CPED1: variants seen among roughly 807,000 people sequenced by gnomAD.
CPED1 encodes cadherin-like and PC-esterase domain-containing protein 1.
In CPED1, 114 loss-of-function variants were observed where a neutral mutation model predicts 128.2. The ratio of observed to expected loss-of-function variants is 0.89; its 90% CI spans 0.76 to 1.04. CPED1 has a LOEUF of 1.04. Among genes scored for constraint, CPED1 ranks in the 50% least tolerant of loss-of-function variants. The probability of loss-of-function intolerance (pLI) is 0.00; values close to 1 mark genes in which losing one functional copy is unlikely to be tolerated. For synonymous variants in CPED1, 462 were observed against 426.7 expected (o/e 1.08, Z -1.02); for missense variants, 1,211 against 1,207.1 (o/e 1.00, Z -0.05).
At chr7:121,101,873 C>CT (rs1057037774) in intron 7 of CPED1, among the ~76,000 whole-genome samples, 61 of 152,222 alleles carry the variant, frequency 4.0e-4, no homozygotes, top group African/African-American at 1.5e-3. Flanking sequence ...TGATCCACAC[C>CT]TGCAACCCAA....
intron 16 of CPED1, among the ~76,000 whole-genome samples, chr7:121,165,992 G>A (rs1235652753): frequency 6.6e-6 from 1 of 152,072 alleles, no homozygotes; most frequent in Non-Finnish European, 1.5e-5. Context: ...AATGTATGTG[G>A]CTATTTTGAC....
At chr7:121,077,478 T>C (rs1486857349) in intron 5 of CPED1, among the ~76,000 whole-genome samples, 6 of 152,120 alleles carry the variant, frequency 3.9e-5, no homozygotes, top group Non-Finnish European at 8.8e-5. Flanking sequence ...TTCCCATTCA[T>C]GTGCAATTTT....
chr7:121,207,983 C>T (rs1475237912), intron 16 of CPED1, among the ~76,000 whole-genome samples: 1 of 151,970 alleles, frequency 6.6e-6, no homozygotes, highest in Non-Finnish European at 1.5e-5. Context: ...TGCAGACTTT[C>T]ATCATCTTTC....
Position 121,158,457 on chromosome 7 carries a change from A to G in CPED1, c.2055+16316A>G, listed in dbSNP as rs187347585. ...CCCCTTTCATAACCAGAGCACAAAT[A>G]TTAGATGAATTTCCTTTGAACCTTG... On this transcript the variant is annotated intron_variant, in intron 16 of 22. Transcript: ENST00000310396. Among the ~76,000 whole-genome samples the G allele has an allele frequency of 4.6e-3, 699 of 152,268 alleles. 2 individuals are homozygous for G. Among genetic ancestry groups the G allele is most frequent in the South Asian group, 0.016 (75 of 4,818 alleles).
intron 3 of CPED1, among the ~76,000 whole-genome samples, chr7:121,027,765 A>AATG (rs1197229006): frequency 1.3e-5 from 2 of 148,430 alleles, no homozygotes; most frequent in South Asian, 2.1e-4. Context: ...TAATAATAAT[A>AATG]ATAATAATAA....
intron 18 of CPED1, chr7:121,261,748 A>C: frequency 6.4e-7 from 1 of 1,571,294 alleles, no homozygotes; most frequent in Non-Finnish European, 8.6e-7. Context: ...GACTTGAATC[A>C]CCTGGACTAT....
intron 3 of CPED1, among the ~76,000 whole-genome samples, chr7:121,024,121 T>A (rs1792508248): frequency 6.6e-6 from 1 of 152,124 alleles, no homozygotes; most frequent in Admixed American, 6.6e-5. Flanking sequence ...TTTTCCTCAG[T>A]GCTTATAGAT....
Position 121,289,749 on chromosome 7 carries a change from A to C in CPED1, c.2869-5691A>C, listed in dbSNP as rs893136995. Among the ~76,000 whole-genome samples the C allele has an allele frequency of 2.6e-5, 4 of 152,326 alleles. No individual in the cohort carries two copies. In the South Asian group the frequency reaches 6.2e-4, roughly 24 times the overall value. On this transcript the variant is annotated intron_variant, in intron 22 of 22. Coordinates refer to ENST00000310396, the MANE Select transcript of CPED1 (RefSeq NM_024913.5). ...TTATATGTCCAAATAGTGACAGAAA[A>C]AGTATTTTATAATTGCATTAAAATG...
chr7:121,129,906 C>A (rs1795620633), intron 11 of CPED1, among the ~76,000 whole-genome samples: 1 of 141,646 alleles, frequency 7.1e-6, no homozygotes, highest in South Asian at 2.2e-4. Context: ...AAAAAAAAAA[C>A]TCACCCTATT....
At position 120,989,566 on chromosome 7, in the gene CPED1, A is replaced by G; in HGVS notation, c.-56A>G. On this transcript the variant is annotated 5_prime_UTR_variant, in exon 2 of 23. The change creates a new upstream start codon in the 5' untranslated region. Coordinates refer to ENST00000310396, the MANE Select transcript of CPED1 (RefSeq NM_024913.5). ...AGTATTTTTCATGCTGACAAAAAATAGCTGCTATGACTTTTCCCGCAACGT... is the reference window on the plus strand; with the variant it reads ...AGTATTTTTCATGCTGACAAAAAATGGCTGCTATGACTTTTCCCGCAACGT... 1.3e-6 allele frequency: 2 copies of G among 1,586,474 alleles called. No homozygotes were observed. The highest frequency in any genetic ancestry group is 1.7e-6 in the Non-Finnish European group (2 of 1,166,688).
Position 121,064,232 on chromosome 7 carries a change from T to A in CPED1, c.541-6T>A, listed in dbSNP as rs748548051. The A allele has an allele frequency of 8.2e-6, 13 of 1,594,634 alleles. No homozygotes were observed. The highest frequency in any genetic ancestry group is 1.7e-4 in the Middle Eastern group (1 of 6,056). On this transcript the variant is annotated splice_region_variant and splice_polypyrimidine_tract_variant and intron_variant, in intron 4 of 22. Coordinates refer to ENST00000310396, the MANE Select transcript of CPED1 (RefSeq NM_024913.5). The stretch of plus-strand genomic sequence containing the variant: ...CACTCACTAGAATCTTTTTCATTCC[T>A]TTCAGGCAAACAGATTACCAGAAAT...
At chr7:121,271,537 G>A (rs1169463155) in intron 22 of CPED1, 107 bp downstream of exon 22, 2 of 1,109,104 alleles carry the variant, frequency 1.8e-6, no homozygotes, top group Admixed American at 2.1e-5. Context: ...AAAAAACAAT[G>A]TCAGGTGGAG....
intron 7 of CPED1, among the ~76,000 whole-genome samples, chr7:121,121,600 C>T (rs536381583): frequency 6.6e-6 from 1 of 152,198 alleles, no homozygotes; most frequent in South Asian, 2.1e-4. Context: ...CTTATATTCT[C>T]ACATTTATTT....
chr7:121,166,325 TG>T (rs1018631293), intron 16 of CPED1, among the ~76,000 whole-genome samples: 1 of 152,204 alleles, frequency 6.6e-6, no homozygotes, highest in African/African-American at 2.4e-5. Flanking sequence ...AATTTATACT[TG>T]CCCCAACCTA....
intron 16 of CPED1, among the ~76,000 whole-genome samples, chr7:121,195,244 A>G (rs909141203): frequency 5.3e-5 from 8 of 152,150 alleles, no homozygotes; most frequent in African/African-American, 1.9e-4. Flanking sequence ...TGTAATACTA[A>G]CCCAGGAAAT....
At chr7:121,095,002 T>C (rs957652800) in intron 5 of CPED1, among the ~76,000 whole-genome samples, 20 of 152,164 alleles carry the variant, frequency 1.3e-4, no homozygotes, top group African/African-American at 4.1e-4. Context: ...AGTTTGCATA[T>C]TATGCGGGCA....
chr7:120,989,451 G>GAC lies in CPED1; in HGVS notation c.-170_-169dup, dbSNP rs1796272742. 1.4e-6 allele frequency: 1 copy of GAC among 732,148 alleles called. No individual in the cohort carries two copies. The highest frequency in any genetic ancestry group is 2.2e-6 in the Non-Finnish European group (1 of 453,814). 45.4% of individuals were successfully genotyped at this position (732,148 alleles called of 1,614,324 possible). A position where few individuals can be genotyped will look rare whatever the true frequency, so the allele number is the denominator to read the frequency against. On this transcript the variant is annotated 5_prime_UTR_variant, in exon 2 of 23. The change abolishes the stop of an existing upstream ORF in the 5' untranslated region. Transcript: ENST00000310396. ...CTTATTAAAAGCCTCAGACTTTCGG[G>GAC]ACCTATGATTCTTTGGCACAACCTT...
chr7:121,028,101 T>C (rs1401418256), intron 3 of CPED1, among the ~76,000 whole-genome samples: 1 of 152,160 alleles, frequency 6.6e-6, no homozygotes, highest in Non-Finnish European at 1.5e-5. Context: ...GATTTTCAAA[T>C]TTGGCATGCG....
chr7:121,187,384 G>A (rs2116516210), intron 16 of CPED1, among the ~76,000 whole-genome samples: 1 of 152,244 alleles, frequency 6.6e-6, no homozygotes, highest in East Asian at 1.9e-4. Flanking sequence ...AAAGAGCTTA[G>A]CACTTTTGAA....
Sources: allele counts gnomAD v4.1 joint callset (sites outside exome capture counted in the v4.1 genomes callset), GRCh38; gene constraint gnomAD v4.1.1; transcripts MANE v1.5; gene names NCBI Gene and HGNC (gene_info 2026-07-23, HGNC 2026-07-21).